Variants in SUCLA2 observed in about 807,000 individuals in gnomAD.
SUCLA2 encodes succinate-CoA ligase ADP-forming subunit beta, also known as succinate--CoA ligase [ADP-forming] subunit beta, mitochondrial.
Under a neutral mutation model 54.8 loss-of-function variants are expected in SUCLA2, and 30 were observed. The observed-to-expected ratio is 0.55, with a 90% confidence interval of 0.41 to 0.74. The LOEUF (loss-of-function observed/expected upper bound fraction) is 0.74. SUCLA2 is among the 30% of genes least tolerant of loss of function. The pLI is 0.00. For missense variants in SUCLA2, 476 were observed against 562.9 expected (o/e 0.85, Z 1.56); for synonymous variants, 172 against 188.9 (o/e 0.91, Z 0.74).
At chr13:47,944,293 A>G (rs1197082446) in intron 10 of SUCLA2, among the ~76,000 whole-genome samples, 2 of 152,194 alleles carry the variant, frequency 1.3e-5, no homozygotes, top group African/African-American at 4.8e-5. Context: ...GTAAACACTC[A>G]ATAAACAGTA....
chr13:47,986,479 C>T (rs757518795), intron 4 of SUCLA2, among the ~76,000 whole-genome samples: 1 of 152,178 alleles, frequency 6.6e-6, no homozygotes, highest in African/African-American at 2.4e-5. Context: ...AAAATCTACT[C>T]CCATTCTGCA....
intron 4 of SUCLA2, among the ~76,000 whole-genome samples, chr13:47,983,752 G>A (rs1593497599): frequency 6.6e-6 from 1 of 152,182 alleles, no homozygotes; most frequent in African/African-American, 2.4e-5. Context: ...GCCTCTCAAA[G>A]TGCTGGGATT....
chr13:47,984,630 G>A (rs919556780), intron 4 of SUCLA2, among the ~76,000 whole-genome samples: 6 of 152,070 alleles, frequency 3.9e-5, no homozygotes, highest in Non-Finnish European at 4.4e-5. Context: ...AAGATCTGTA[G>A]CAGGGCATCG....
intron 5 of SUCLA2, chr13:47,971,891 A>G (rs1239375717): frequency 2.5e-6 from 1 of 398,498 alleles, no homozygotes; most frequent in Non-Finnish European, 4.4e-6. Flanking sequence ...GAACTGAAAG[A>G]AAAAAGATGA....
chr13:47,953,312 A>G (rs1449820567), intron 8 of SUCLA2, among the ~76,000 whole-genome samples: 1 of 152,150 alleles, frequency 6.6e-6, no homozygotes. Context: ...ACTCAATTCT[A>G]GTAGTAAGTA....
At chr13:47,965,801 G>A (rs1326965658) in intron 6 of SUCLA2, among the ~76,000 whole-genome samples, 2 of 152,182 alleles carry the variant, frequency 1.3e-5, no homozygotes, top group African/African-American at 2.4e-5. Flanking sequence ...GTAATCCCAG[G>A]ACTTTCGGAG....
intron 6 of SUCLA2, among the ~76,000 whole-genome samples, chr13:47,958,106 T>G (rs374293460): frequency 1.3e-5 from 2 of 152,316 alleles, no homozygotes; most frequent in East Asian, 1.9e-4. Flanking sequence ...TAAGCAGGGT[T>G]GAGCCTGGTT....
intron 2 of SUCLA2, among the ~76,000 whole-genome samples, chr13:47,992,380 A>G (rs1312676208): frequency 3.0e-5 from 4 of 134,534 alleles, no homozygotes; most frequent in African/African-American, 1.1e-4. Flanking sequence ...AGCCCTTCAC[A>G]ACGAAAGCAA....
intron 2 of SUCLA2, among the ~76,000 whole-genome samples, chr13:47,995,122 A>T (rs1950180718): frequency 6.6e-6 from 1 of 152,224 alleles, no homozygotes; most frequent in Admixed American, 6.5e-5. Context: ...TCAGAGGCCT[A>T]AGTAGGAGGA....
chr13:47,960,454 G>A (rs762318448), intron 6 of SUCLA2, among the ~76,000 whole-genome samples: 3 of 152,180 alleles, frequency 2.0e-5, no homozygotes, highest in Non-Finnish European at 2.9e-5. Flanking sequence ...GTTCTGAACA[G>A]TACATTATAT....
At chr13:47,945,422 C>CAAAAAAAAAAAAAA (rs10661341) in intron 10 of SUCLA2, among the ~76,000 whole-genome samples, 1 of 50,006 alleles carries the variant, frequency 2.0e-5, no homozygotes. Flanking sequence ...GACTCAGTCT[C>CAAAAAAAAAAAAAA]AAAAAAAAAA....
chr13:47,969,772 A>G (rs1473254435), intron 5 of SUCLA2, among the ~76,000 whole-genome samples: 3 of 152,202 alleles, frequency 2.0e-5, no homozygotes, highest in Admixed American at 2.0e-4. Context: ...ATATTTGCAA[A>G]GAGTCAAATG....
At chr13:47,945,246 T>C (rs1949719843) in intron 10 of SUCLA2, among the ~76,000 whole-genome samples, 1 of 69,746 alleles carries the variant, frequency 1.4e-5, no homozygotes, top group Non-Finnish European at 2.8e-5. Context: ...CAAAACTCTG[T>C]CTTAAAAAAA....
chr13:47,990,709 G>C (rs906654741), intron 2 of SUCLA2, among the ~76,000 whole-genome samples: 1 of 152,110 alleles, frequency 6.6e-6, no homozygotes, highest in Non-Finnish European at 1.5e-5. Context: ...GACTGAAGTA[G>C]AGTCCTCTAC....
chr13:47,972,437 G>C (rs1018634700), intron 5 of SUCLA2, among the ~76,000 whole-genome samples: 5 of 151,460 alleles, frequency 3.3e-5, no homozygotes, highest in African/African-American at 1.2e-4. Context: ...GGGAGGCCGA[G>C]GCGGGTGGAT....
chr13:47,967,661 T>C (rs531396000), intron 6 of SUCLA2, among the ~76,000 whole-genome samples: 59 of 146,064 alleles, frequency 4.0e-4, no homozygotes, highest in Non-Finnish European at 6.9e-4. Context: ...GCCAACATGG[T>C]GAAACCTCAT....
In SUCLA2 at chr13:47,943,090, C is replaced by T; in HGVS notation, c.*281G>A. ...TATCAATGAAGAACTTTGTATCCAA[C>T]AATAATAAACTGGCAAATTGCAAGT... On this transcript the variant is annotated 3_prime_UTR_variant, in exon 11 of 11. Transcript: ENST00000646932. 1 of 402,550 alleles carries T rather than the reference C, an allele frequency of 2.5e-6. No homozygotes were observed. The highest frequency in any genetic ancestry group is 4.6e-6 in the Non-Finnish European group (1 of 218,616). The allele number at this position is 402,550 out of a possible 1,614,324, so 24.9% of individuals were successfully genotyped here.
chr13:47,995,418 C>A (rs1220446931), intron 2 of SUCLA2, among the ~76,000 whole-genome samples: 1 of 150,264 alleles, frequency 6.7e-6, no homozygotes, highest in Non-Finnish European at 1.5e-5. Flanking sequence ...TGATTAACAA[C>A]AATAAAAACA....
intron 6 of SUCLA2, among the ~76,000 whole-genome samples, chr13:47,960,815 G>A (rs1949864863): frequency 1.3e-5 from 2 of 152,164 alleles, no homozygotes. Context: ...GCACTGGTTT[G>A]AAGATGAACA....
Sources: allele counts gnomAD v4.1 joint callset (sites outside exome capture counted in the v4.1 genomes callset), GRCh38; gene constraint gnomAD v4.1.1; transcripts MANE v1.5; gene names NCBI Gene and HGNC (gene_info 2026-07-23, HGNC 2026-07-21).